TGFB2: variants seen among roughly 807,000 people sequenced by gnomAD.
TGFB2 encodes the protein transforming growth factor beta 2.
A neutral mutation model predicts 42.7 loss-of-function variants in TGFB2; 13 were observed. That is an observed-to-expected ratio of 0.30 (90% CI 0.20 to 0.48). The LOEUF (loss-of-function observed/expected upper bound fraction) is 0.48. Among genes scored for constraint, TGFB2 ranks in the 20% least tolerant of loss-of-function variants. The pLI is 0.99. For synonymous variants in TGFB2, 193 were observed against 193.6 expected (o/e 1.00, Z 0.03); for missense variants, 390 against 517.5 (o/e 0.75, Z 2.39).
At chr1:218,362,564 A>G (rs564582125) in intron 1 of TGFB2, among the ~76,000 whole-genome samples, 1 of 152,352 alleles carries the variant, frequency 6.6e-6, no homozygotes, top group South Asian at 2.1e-4. Context: ...CTTCTTCTGC[A>G]AAAATTCTAT....
In TGFB2 at chr1:218,441,394, CAATGATGAT is replaced by C; in HGVS notation, c.*33_*41del. Reference sequence around the variant, plus strand: ...TGGAAAAGTGGCAAGACCAAAATGACAATGATGATGATAATGATGATGACGACGACAACG... The same window carrying C: ...TGGAAAAGTGGCAAGACCAAAATGACGATAATGATGATGACGACGACAACG... On this transcript the variant is annotated 3_prime_UTR_variant, in exon 7 of 7. Coordinates refer to ENST00000366930, the MANE Select transcript of TGFB2 (RefSeq NM_003238.6). The C allele has an allele frequency of 6.3e-7, 1 of 1,583,800 alleles. No individual in the cohort carries two copies. Among genetic ancestry groups the C allele is most frequent in the Non-Finnish European group, 8.6e-7 (1 of 1,168,154 alleles).
At chr1:218,409,250 C>A in intron 2 of TGFB2, among the ~76,000 whole-genome samples, 1 of 152,208 alleles carries the variant, frequency 6.6e-6, no homozygotes, top group Non-Finnish European at 1.5e-5. Flanking sequence ...TTGGGGACTT[C>A]TGCTTTAGAC....
intron 6 of TGFB2, among the ~76,000 whole-genome samples, chr1:218,440,950 T>A (rs2102633989): frequency 6.6e-6 from 1 of 152,328 alleles, no homozygotes; most frequent in Admixed American, 6.5e-5. Context: ...AGCAATTTTT[T>A]CCAATCTGAC....
intron 1 of TGFB2, among the ~76,000 whole-genome samples, chr1:218,355,971 G>C (rs1285772111): frequency 6.6e-6 from 1 of 152,182 alleles, no homozygotes; most frequent in African/African-American, 2.4e-5. Context: ...CGGTCTATGT[G>C]CACATGGTAT....
rs1158002583 is a variant in TGFB2, at chr1:218,442,280, T to C, written c.*918T>C. 6.6e-6 allele frequency: 1 copy of C among 152,002 alleles called. No homozygotes were observed. The highest frequency in any genetic ancestry group is 1.5e-5 in the Non-Finnish European group (1 of 67,982). 9.4% of individuals were successfully genotyped at this position (152,002 alleles called of 1,614,324 possible). On this transcript the variant is annotated 3_prime_UTR_variant, in exon 7 of 7. Coordinates refer to ENST00000366930, the MANE Select transcript of TGFB2 (RefSeq NM_003238.6). Reference sequence around the variant, plus strand: ...TATTGCTGTATAGCTATGCTATAGGTTTTTTCCTTTGTTTTGGTATATGTA... The same window carrying C: ...TATTGCTGTATAGCTATGCTATAGGCTTTTTCCTTTGTTTTGGTATATGTA...
chr1:218,419,741 T>A (rs2102610789), intron 2 of TGFB2, among the ~76,000 whole-genome samples: 2 of 152,308 alleles, frequency 1.3e-5, no homozygotes, highest in Non-Finnish European at 2.9e-5. Context: ...ATCTAAATAT[T>A]GATGAAGAAA....
At chr1:218,361,461 C>T (rs61067497) in intron 1 of TGFB2, among the ~76,000 whole-genome samples, 75 of 152,218 alleles carry the variant, frequency 4.9e-4, no homozygotes, top group African/African-American at 1.8e-3. Flanking sequence ...ACCTGGGTGA[C>T]CTTGGGATCT....
intron 2 of TGFB2, among the ~76,000 whole-genome samples, chr1:218,425,476 G>A (rs1036754096): frequency 2.6e-5 from 4 of 152,132 alleles, no homozygotes; most frequent in African/African-American, 9.7e-5. Context: ...CAAAGTGCTA[G>A]GATTACAGAT....
chr1:218,363,198 G>A, intron 1 of TGFB2: 2 of 708,338 alleles, frequency 2.8e-6, no homozygotes, highest in Non-Finnish European at 4.9e-6. Flanking sequence ...CTGGCCCCAG[G>A]TAGCAGGGAC....
chr1:218,432,793 C>T (rs181616779), intron 2 of TGFB2, among the ~76,000 whole-genome samples: 10 of 152,128 alleles, frequency 6.6e-5, no homozygotes, highest in African/African-American at 2.2e-4. Context: ...ATGGAATGAC[C>T]ACAAAACAGA....
At chr1:218,363,341 C>T in intron 1 of TGFB2, 2 of 1,613,878 alleles carry the variant, frequency 1.2e-6, no homozygotes, top group South Asian at 1.1e-5. Context: ...TAGCTGTCTG[C>T]CCAGTTGTTA....
At chr1:218,364,104 G>A (rs529293145) in intron 1 of TGFB2, among the ~76,000 whole-genome samples, 1 of 152,326 alleles carries the variant, frequency 6.6e-6, no homozygotes, top group East Asian at 1.9e-4. Flanking sequence ...TGAAAGATTG[G>A]ACGCCCCTGC....
In TGFB2 at chr1:218,442,218, G is replaced by A. The variant is rs1443502452; in HGVS notation, c.*856G>A. On this transcript the variant is annotated 3_prime_UTR_variant, in exon 7 of 7. Coordinates refer to ENST00000366930, the MANE Select transcript of TGFB2 (RefSeq NM_003238.6). ...TAGTAAACCAGTGAAATGTTGAAAT[G>A]TTTTGACATGTACTGGTCAAACTTC... The A allele has an allele frequency of 6.6e-6, 1 of 151,666 alleles. No homozygotes were observed. The highest frequency in any genetic ancestry group is 6.6e-5 in the Admixed American group (1 of 15,226). The allele number at this position is 151,666 out of a possible 1,614,324, so 9.4% of individuals were successfully genotyped here.
rs1014735342 is a variant in TGFB2 at position 218,442,425 on chromosome 1, A to G, written c.*1063A>G. ...TTAACTACTTTATGTGTAATGTGTA[A>G]ATTTTTACCATATTTTTTATATTCT... On this transcript the variant is annotated 3_prime_UTR_variant, in exon 7 of 7. Transcript: ENST00000366930. 6.6e-6 allele frequency: 1 copy of G among 152,140 alleles called. No individual in the cohort carries two copies. The highest frequency in any genetic ancestry group is 2.4e-5 in the African/African-American group (1 of 41,440). The allele number at this position is 152,140 out of a possible 1,614,324, so 9.4% of individuals were successfully genotyped here.
rs1185027970 is a variant in TGFB2 at position 218,392,159 on chromosome 1, G to A, written c.347-13010G>A. 2.0e-5 allele frequency among the ~76,000 whole-genome samples: 3 copies of A among 152,232 alleles called. No individual in the cohort carries two copies. In the South Asian group the frequency reaches 6.2e-4, roughly 32 times the overall value. ...AAGGTCAAGAGATCGAGACCATCCT[G>A]GCCAATACGTGAAACCCCATCTCTA... On this transcript the variant is annotated intron_variant, in intron 1 of 6. Transcript: ENST00000366930.
chr1:218,440,914 G>C (rs1005144367), intron 6 of TGFB2, among the ~76,000 whole-genome samples: 1 of 149,220 alleles, frequency 6.7e-6, no homozygotes, highest in Admixed American at 6.7e-5. Context: ...AGACTTACTG[G>C]AAAAACCGGG....
intron 2 of TGFB2, among the ~76,000 whole-genome samples, chr1:218,410,497 A>G (rs895033782): frequency 1.3e-5 from 2 of 152,140 alleles, no homozygotes; most frequent in African/African-American, 4.8e-5. Context: ...GCTTTCTCTA[A>G]CCTCTTTCAC....
chr1:218,381,266 T>TTG (rs1193846820), intron 1 of TGFB2, among the ~76,000 whole-genome samples: 114 of 150,730 alleles, frequency 7.6e-4, no homozygotes, highest in African/African-American at 2.7e-3. Flanking sequence ...TTGTTTTTTT[T>TTG]TTTTTTTGAG....
chr1:218,365,300 C>T (rs1451032330), intron 1 of TGFB2, among the ~76,000 whole-genome samples: 3 of 152,140 alleles, frequency 2.0e-5, no homozygotes, highest in African/African-American at 4.8e-5. Flanking sequence ...TTGCCTACTA[C>T]TTGGGATTAA....
Sources: allele counts gnomAD v4.1 joint callset (sites outside exome capture counted in the v4.1 genomes callset), GRCh38; gene constraint gnomAD v4.1.1; transcripts MANE v1.5; gene names NCBI Gene and HGNC (gene_info 2026-07-23, HGNC 2026-07-21).